The following RAD51B variants were observed in gnomAD, a reference collection of about 807,000 sequenced individuals.
RAD51B encodes RAD51 paralog B.
In RAD51B, 38 loss-of-function variants were observed where a neutral mutation model predicts 42.2. That is an observed-to-expected ratio of 0.90 (90% confidence interval 0.70 to 1.18). The LOEUF is 1.18. Ranked by LOEUF, RAD51B falls within the 50% of genes most tolerant of loss-of-function variation. The probability of loss-of-function intolerance (pLI) is 0.00; values close to 1 mark genes in which losing one functional copy is unlikely to be tolerated. For synonymous variants in RAD51B, 154 were observed against 145.2 expected (o/e 1.06, Z -0.43); for missense variants, 373 against 400.7 (o/e 0.93, Z 0.59).
At chr14:67,921,617 A>G (rs990936139) in intron 7 of RAD51B, among the ~76,000 whole-genome samples, 6 of 145,256 alleles carry the variant, frequency 4.1e-5, no homozygotes, top group Non-Finnish European at 7.6e-5. Context: ...ACACACACAC[A>G]CACACATTTT....
chr14:68,084,279 CTTG>C (rs768175917), intron 7 of RAD51B, among the ~76,000 whole-genome samples: 7 of 152,148 alleles, frequency 4.6e-5, no homozygotes, highest in South Asian at 4.1e-4. Flanking sequence ...GGTTTATTGT[CTTG>C]TTGTAACATC....
intron 7 of RAD51B, among the ~76,000 whole-genome samples, chr14:68,026,149 G>A (rs2075953507): frequency 6.6e-6 from 1 of 152,066 alleles, no homozygotes; most frequent in Non-Finnish European, 1.5e-5. Context: ...ATGTATTTGT[G>A]TAATTTTGAG....
At chr14:68,367,697 A>G (rs1232438066) in intron 8 of RAD51B, among the ~76,000 whole-genome samples, 1 of 152,230 alleles carries the variant, frequency 6.6e-6, no homozygotes, top group African/African-American at 2.4e-5. Flanking sequence ...ATAGTTACCC[A>G]GAAAAGCTGG....
intron 7 of RAD51B, among the ~76,000 whole-genome samples, chr14:68,032,031 G>C (rs2076052931): frequency 7.7e-6 from 1 of 130,106 alleles, no homozygotes; most frequent in African/African-American, 3.6e-5. Context: ...TTTACAATCA[G>C]GCTTTGTGTC....
intron 7 of RAD51B, among the ~76,000 whole-genome samples, chr14:68,166,667 T>G (rs2078760482): frequency 6.6e-6 from 1 of 152,184 alleles, no homozygotes; most frequent in South Asian, 2.1e-4. Flanking sequence ...ATCATTCCCA[T>G]TAGCACCAGT....
chr14:68,479,759 C>T (rs1883025889), downstream of RAD51B, among the ~76,000 whole-genome samples: 1 of 148,814 alleles, frequency 6.7e-6, no homozygotes, highest in Non-Finnish European at 1.5e-5. Context: ...GCCTCAACCT[C>T]CCAGGCTCAA....
chr14:67,994,484 C>T (rs1006975571), intron 7 of RAD51B, among the ~76,000 whole-genome samples: 2 of 152,228 alleles, frequency 1.3e-5, no homozygotes, highest in Non-Finnish European at 2.9e-5. Flanking sequence ...ACCCTTTTAA[C>T]AGTACCTTAT....
chr14:67,854,790 C>T (rs959746914), intron 4 of RAD51B, among the ~76,000 whole-genome samples: 1 of 151,638 alleles, frequency 6.6e-6, no homozygotes, highest in Non-Finnish European at 1.5e-5. Context: ...TAGCAAGACC[C>T]TAGCTCTACA....
intron 7 of RAD51B, among the ~76,000 whole-genome samples, chr14:68,253,022 G>A (rs1025769689): frequency 1.3e-5 from 2 of 151,650 alleles, no homozygotes; most frequent in Non-Finnish European, 2.9e-5. Context: ...GGCGGAGGTT[G>A]CAGTGAGCCA....
At chr14:68,050,268 T>G (rs1566606482) in intron 7 of RAD51B, among the ~76,000 whole-genome samples, 1 of 150,648 alleles carries the variant, frequency 6.6e-6, no homozygotes, top group African/African-American at 2.5e-5. Flanking sequence ...TCTCTTTTCT[T>G]TTTTCTTTTC....
chr14:68,355,395 C>A (rs1041574505), intron 8 of RAD51B, among the ~76,000 whole-genome samples: 25 of 152,286 alleles, frequency 1.6e-4, no homozygotes, highest in African/African-American at 5.8e-4. Context: ...TGGCTTCATT[C>A]TGATTTTGGA....
At chr14:68,087,959 ATAATTTAT>A (rs2077020744) in intron 7 of RAD51B, among the ~76,000 whole-genome samples, 2 of 114,454 alleles carry the variant, frequency 1.7e-5, no homozygotes, top group African/African-American at 8.7e-5. Context: ...ATATAATTAT[ATAATTTAT>A]TATTATATAT....
In RAD51B at chr14:68,314,325, C is replaced by T. The variant is rs961186372; in HGVS notation, c.853+22345C>T. ...ACTCATTCTGATCCCTCTTCCTGCC[C>T]GAATGTCTCTCAGTGGTCAACAAGG... On this transcript the variant is annotated intron_variant, in intron 8 of 10. Transcript: ENST00000471583. Among the ~76,000 whole-genome samples the T allele has an allele frequency of 3.3e-5, 5 of 152,108 alleles. 1 individual carries two copies. In the South Asian group the frequency reaches 6.2e-4, roughly 19 times the overall value.
intron 7 of RAD51B, among the ~76,000 whole-genome samples, chr14:68,221,265 T>C (rs1251041275): frequency 1.3e-5 from 2 of 152,076 alleles, no homozygotes; most frequent in Non-Finnish European, 2.9e-5. Flanking sequence ...AGAACAAATC[T>C]GGAGGCATCA....
intron 7 of RAD51B, among the ~76,000 whole-genome samples, chr14:68,040,809 G>A (rs931999739): frequency 6.6e-6 from 1 of 152,158 alleles, no homozygotes; most frequent in African/African-American, 2.4e-5. Context: ...AAAATCTCTG[G>A]CCTCACTCCA....
chr14:68,465,552 CAGGACCCATAGGTG>C (rs2085952960), intron 9 of RAD51B, among the ~76,000 whole-genome samples: 1 of 152,200 alleles, frequency 6.6e-6, no homozygotes, highest in South Asian at 2.1e-4. Context: ...TGTAGGTCAA[CAGGACCCATAGGTG>C]ATGCAAACCC....
At chr14:68,634,962 T>C (rs1892311936) in intron 10 of RAD51B, among the ~76,000 whole-genome samples, 2 of 152,134 alleles carry the variant, frequency 1.3e-5, no homozygotes, top group African/African-American at 4.8e-5. Flanking sequence ...CCTCAAGAAA[T>C]GGAACTATGA....
At chr14:68,515,446 T>C (rs920985740) in intron 10 of RAD51B, among the ~76,000 whole-genome samples, 12 of 138,610 alleles carry the variant, frequency 8.7e-5, no homozygotes, top group South Asian at 2.2e-4. Flanking sequence ...TCTTCTTCTT[T>C]TTTTTTTTTT....
chr14:67,930,488 G>GT (rs1011665776), intron 7 of RAD51B, among the ~76,000 whole-genome samples: 1 of 152,198 alleles, frequency 6.6e-6, no homozygotes, highest in East Asian at 1.9e-4. Context: ...TTGGGTGGCA[G>GT]TTTTTTTCTT....
Sources: gnomAD v4.1 joint callset for allele counts (sites outside exome capture counted in the v4.1 genomes callset) on GRCh38, gnomAD v4.1.1 for gene constraint, MANE v1.5 for transcripts, NCBI Gene and HGNC (gene_info 2026-07-23, HGNC 2026-07-21) for gene names.